The following NME7 variants were observed in gnomAD, a reference collection of about 807,000 sequenced individuals.
NME7 encodes NME/NM23 family member 7.
In NME7, 41 loss-of-function variants were observed where a neutral mutation model predicts 49.1. That is an observed-to-expected ratio of 0.83 (90% confidence interval 0.65 to 1.08). The LOEUF (loss-of-function observed/expected upper bound fraction) is 1.08, where lower values mean the gene tolerates loss of function less well. Among genes scored for constraint, NME7 ranks in the 50% least tolerant of loss-of-function variants. The probability of loss-of-function intolerance (pLI) is 0.00; values close to 1 mark genes in which losing one functional copy is unlikely to be tolerated. For missense variants in NME7, 423 were observed against 463.4 expected, an observed-to-expected ratio of 0.91 and a Z score of 0.80; for synonymous variants, 139 against 150.6, an observed-to-expected ratio of 0.92 and a Z score of 0.56.
intron 11 of NME7, among the ~76,000 whole-genome samples, chr1:169,133,765 C>T (rs781506950): frequency 2.0e-5 from 3 of 152,178 alleles, no homozygotes; most frequent in Non-Finnish European, 2.9e-5. Context: ...AAGTAACCCA[C>T]ATTTATGGAA....
rs1445434621 is a variant in NME7, at chr1:169,342,556, TATAC to T, written c.4-18060_4-18057del. ...AGTACATATATATAGTATATATATA[TATAC>T]AAGTACATATATATAGTATATATAT... On this transcript the variant is annotated intron_variant, in intron 1 of 11. Coordinates refer to ENST00000367811, the MANE Select transcript of NME7 (RefSeq NM_013330.5). Among the ~76,000 whole-genome samples the T allele has an allele frequency of 6.2e-5, 7 of 112,562 alleles. No homozygotes were observed. In the East Asian group the frequency reaches 9.2e-4, roughly 15 times the overall value. The allele number at this position is 112,562 out of a possible 152,430, so 73.8% of individuals were successfully genotyped here. A position where few individuals can be genotyped will look rare whatever the true frequency, so the allele number is the denominator to read the frequency against.
chr1:169,342,975 GTA>G lies in NME7; in HGVS notation c.4-18477_4-18476del, dbSNP rs1255273318. Among the ~76,000 whole-genome samples, 118 of 80,916 alleles carry G rather than the reference GTA, an allele frequency of 1.5e-3. 30 individuals carry two copies. Among genetic ancestry groups the G allele is most frequent in the Middle Eastern group, 9.3e-3 (1 of 108 alleles). 53.1% of individuals were successfully genotyped at this position (80,916 alleles called of 152,430 possible). A position where few individuals can be genotyped will look rare whatever the true frequency, so the allele number is the denominator to read the frequency against. On this transcript the variant is annotated intron_variant, in intron 1 of 11. Coordinates refer to ENST00000367811, the MANE Select transcript of NME7 (RefSeq NM_013330.5). Reference sequence around the variant, plus strand: ...TTAGTATATATATATATATATACAAGTACATATATATACTTGTATTAGTATAT... The same window carrying G: ...TTAGTATATATATATATATATACAAGCATATATATACTTGTATTAGTATAT...
intron 10 of NME7, among the ~76,000 whole-genome samples, chr1:169,191,218 A>G (rs1285801198): frequency 1.3e-5 from 2 of 152,164 alleles, no homozygotes; most frequent in Non-Finnish European, 2.9e-5. Context: ...TCCCAGGATT[A>G]CCCTTAACGT....
intron 10 of NME7, among the ~76,000 whole-genome samples, chr1:169,200,775 C>T (rs1216221032): frequency 1.3e-5 from 2 of 152,170 alleles, no homozygotes; most frequent in Admixed American, 1.3e-4. Flanking sequence ...GCCCATATTT[C>T]CCCCTATTCT....
intron 7 of NME7, among the ~76,000 whole-genome samples, chr1:169,279,667 C>T (rs933164848): frequency 5.3e-5 from 8 of 152,218 alleles, no homozygotes; most frequent in East Asian, 1.9e-4. Flanking sequence ...CGCCCTGCTT[C>T]GGCTCGCGCA....
chr1:169,135,150 G>T (rs1658394076), intron 11 of NME7, among the ~76,000 whole-genome samples: 1 of 151,580 alleles, frequency 6.6e-6, no homozygotes, highest in South Asian at 2.1e-4. Flanking sequence ...GGTAAGCCTG[G>T]GCAACAGAGT....
At chr1:169,196,266 T>G (rs2101770775) in intron 10 of NME7, among the ~76,000 whole-genome samples, 1 of 152,314 alleles carries the variant, frequency 6.6e-6, no homozygotes, top group Middle Eastern at 3.4e-3. Flanking sequence ...AGTATTTGTT[T>G]AAAGCGCAAC....
intron 7 of NME7, among the ~76,000 whole-genome samples, chr1:169,280,774 G>T (rs1649977163): frequency 6.8e-6 from 1 of 147,576 alleles, no homozygotes; most frequent in Admixed American, 6.7e-5. Context: ...TAGCTGTGTG[G>T]TGTTATTTCT....
At chr1:169,280,136 C>T (rs552579458) in intron 7 of NME7, among the ~76,000 whole-genome samples, 2 of 152,300 alleles carry the variant, frequency 1.3e-5, no homozygotes, top group East Asian at 1.9e-4. Context: ...CATGTCCTGA[C>T]TTTTTAATAA....
chr1:169,332,382 G>A (rs1016187743), intron 1 of NME7, among the ~76,000 whole-genome samples: 1 of 152,062 alleles, frequency 6.6e-6, no homozygotes, highest in African/African-American at 2.4e-5. Flanking sequence ...AGAAAACATG[G>A]GAGAAAATCT....
intron 10 of NME7, among the ~76,000 whole-genome samples, chr1:169,203,324 C>T (rs899802136): frequency 1.3e-5 from 2 of 152,164 alleles, no homozygotes; most frequent in African/African-American, 4.8e-5. Context: ...TGGTAACCCT[C>T]TTCTGGGCCC....
At chr1:169,169,182 A>C in intron 11 of NME7, 1 of 403,842 alleles carries the variant, frequency 2.5e-6, no homozygotes, top group Non-Finnish European at 4.6e-6. Flanking sequence ...TCCAAGGGGA[A>C]CATCACATAC....
At chr1:169,150,743 G>A (rs1042926299) in intron 11 of NME7, among the ~76,000 whole-genome samples, 1 of 139,882 alleles carries the variant, frequency 7.1e-6, no homozygotes, top group Non-Finnish European at 1.5e-5. Context: ...TTTATATGAT[G>A]AGAAGAGAGG....
chr1:169,239,875 G>T (rs1648007657), intron 7 of NME7, among the ~76,000 whole-genome samples: 1 of 152,040 alleles, frequency 6.6e-6, no homozygotes, highest in Non-Finnish European at 1.5e-5. Context: ...GAAAGGAAAT[G>T]AGACAGAAGA....
intron 10 of NME7, among the ~76,000 whole-genome samples, chr1:169,193,115 A>C (rs1660280478): frequency 6.6e-6 from 1 of 152,140 alleles, no homozygotes; most frequent in South Asian, 2.1e-4. Flanking sequence ...GTTTGAGACC[A>C]GCCTGGGCAA....
chr1:169,199,107 T>G (rs1660472545), intron 10 of NME7, among the ~76,000 whole-genome samples: 6 of 152,112 alleles, frequency 3.9e-5, no homozygotes, highest in Admixed American at 1.3e-4. Context: ...ATTTTTCATT[T>G]ATCACAAATA....
At chr1:169,206,617 T>C (rs1660681378) in intron 10 of NME7, among the ~76,000 whole-genome samples, 1 of 152,098 alleles carries the variant, frequency 6.6e-6, no homozygotes, top group Non-Finnish European at 1.5e-5. Flanking sequence ...TATGAACCCT[T>C]CTCAAAGCAA....
chr1:169,221,194 T>A (rs546833827), intron 10 of NME7, among the ~76,000 whole-genome samples: 10 of 152,332 alleles, frequency 6.6e-5, no homozygotes, highest in Non-Finnish European at 1.2e-4. Flanking sequence ...ATTACCACCA[T>A]CCTGGTCCAA....
intron 7 of NME7, among the ~76,000 whole-genome samples, chr1:169,243,509 A>T (rs1206849526): frequency 6.6e-6 from 1 of 152,194 alleles, no homozygotes; most frequent in Non-Finnish European, 1.5e-5. Context: ...TGAAATTAAG[A>T]TCCTAACTCC....
Sources: gnomAD v4.1 joint callset for allele counts (sites outside exome capture counted in the v4.1 genomes callset) on GRCh38, gnomAD v4.1.1 for gene constraint, MANE v1.5 for transcripts, NCBI Gene and HGNC (gene_info 2026-07-23, HGNC 2026-07-21) for gene names.